Variants in RASGRF2 observed in about 807,000 individuals in gnomAD.
RASGRF2 encodes the protein ras-specific guanine nucleotide-releasing factor 2.
In RASGRF2, 76 loss-of-function variants were observed where a neutral mutation model predicts 151.0. The ratio of observed to expected loss-of-function variants is 0.50; its 90% CI spans 0.42 to 0.61. The LOEUF (loss-of-function observed/expected upper bound fraction) is 0.61, where lower values mean the gene tolerates loss of function less well. RASGRF2 is among the 20% of genes least tolerant of loss of function. The probability of loss-of-function intolerance (pLI) is 0.00; values close to 1 mark genes in which losing one functional copy is unlikely to be tolerated. For synonymous variants in RASGRF2, 504 were observed against 566.5 expected (o/e 0.89, Z 1.57); for missense variants, 1,148 against 1,564.6 (o/e 0.73, Z 4.49).
chr5:80,995,399 TACACACAC>T (rs745608211), intron 1 of RASGRF2, among the ~76,000 whole-genome samples: 3 of 119,780 alleles, frequency 2.5e-5, no homozygotes, highest in African/African-American at 6.5e-5. Context: ...TATATATATA[TACACACAC>T]ACACACACAC....
chr5:81,008,758 G>T (rs4704694), intron 1 of RASGRF2, among the ~76,000 whole-genome samples: 33,213 of 152,064 alleles, frequency 0.22, 3,709 homozygotes, highest in Admixed American at 0.25. Flanking sequence ...TATTAGAAAT[G>T]AGAACAGAAA....
chr5:81,109,721 C>T (rs1451235857), intron 13 of RASGRF2, among the ~76,000 whole-genome samples: 1 of 152,134 alleles, frequency 6.6e-6, no homozygotes, highest in Non-Finnish European at 1.5e-5. Context: ...GTTGCTGGCA[C>T]CCAAATGCAT....
intron 12 of RASGRF2, among the ~76,000 whole-genome samples, chr5:81,103,143 A>G (rs1752746590): frequency 6.6e-6 from 1 of 152,146 alleles, no homozygotes; most frequent in Non-Finnish European, 1.5e-5. Flanking sequence ...AAAATCTAAA[A>G]CTAGAAACTA....
At chr5:81,066,746 C>A (rs7721642) in intron 2 of RASGRF2, among the ~76,000 whole-genome samples, 1,732 of 152,300 alleles carry the variant, frequency 0.011, 31 homozygotes, top group African/African-American at 0.04. Context: ...AATATTATTG[C>A]AGTTCAAGCA....
rs1367270204 is a variant in RASGRF2, at chr5:81,127,075, A to G, written c.2598A>G (p.Gly866=). Residue 866 remains glycine, a splice_region_variant and synonymous_variant, in exon 17 of 27, where the codon GGA becomes GGG. Coordinates refer to ENST00000265080, the MANE Select transcript of RASGRF2 (RefSeq NM_006909.3). The stretch of plus-strand genomic sequence containing the variant: ...TTTCCTTTCTTTTCAAATAACCAGG[A>G]CAGACGGCGGACAATGCCCACTGCT... The part of the protein sequence containing the change: ...PRHLRYRQPG[G]QTADNAHCSV... 6.2e-7 allele frequency: 1 copy of G among 1,613,970 alleles called. No individual in the cohort carries two copies. Among genetic ancestry groups the G allele is most frequent in the East Asian group, 2.2e-5 (1 of 44,886 alleles).
At chr5:80,974,202 GC>G (rs1178389818) in intron 1 of RASGRF2, among the ~76,000 whole-genome samples, 1 of 152,200 alleles carries the variant, frequency 6.6e-6, no homozygotes, top group African/African-American at 2.4e-5. Flanking sequence ...AGTTCGATCA[GC>G]AGCCATGATT....
At chr5:81,176,065 G>A (rs1000728733) in intron 17 of RASGRF2, among the ~76,000 whole-genome samples, 4 of 152,112 alleles carry the variant, frequency 2.6e-5, no homozygotes, top group Admixed American at 6.5e-5. Context: ...GAAGCTGATC[G>A]TGCATTCTTG....
chr5:81,217,571 C>CTCCTTTTTTTTTTTTTTTTTTTTT (rs1561265124), intron 25 of RASGRF2, 98 bp downstream of exon 25: 1 of 360,392 alleles, frequency 2.8e-6, no homozygotes. Context: ...TTTTTTTTCT[C>CTCCTTTTTTTTTTTTTTTTTTTTT]TTCTTTTTTT....
intron 1 of RASGRF2, among the ~76,000 whole-genome samples, chr5:80,966,466 C>T (rs536625583): frequency 4.6e-5 from 7 of 152,014 alleles, no homozygotes; most frequent in Non-Finnish European, 1.0e-4. Context: ...TATTTTATAA[C>T]ATTTGGCCTT....
intron 1 of RASGRF2, among the ~76,000 whole-genome samples, chr5:81,000,620 T>C (rs1056759792): frequency 2.0e-5 from 3 of 152,240 alleles, no homozygotes; most frequent in East Asian, 1.9e-4. Context: ...TATGTTTTTT[T>C]TTCCTTAGTA....
At chr5:81,187,127 G>A (rs905334601) in intron 18 of RASGRF2, among the ~76,000 whole-genome samples, 19 of 152,108 alleles carry the variant, frequency 1.2e-4, no homozygotes, top group Non-Finnish European at 1.3e-4. Flanking sequence ...TGTTACCCCC[G>A]TTTGACCAGT....
At chr5:81,081,872 T>C (rs1368269675) in intron 7 of RASGRF2, among the ~76,000 whole-genome samples, 1 of 152,228 alleles carries the variant, frequency 6.6e-6, no homozygotes, top group Non-Finnish European at 1.5e-5. Context: ...TGTTTTTGTT[T>C]TTGTTTTCCT....
At chr5:81,192,381 C>T (rs1755169973) in intron 18 of RASGRF2, among the ~76,000 whole-genome samples, 1 of 152,186 alleles carries the variant, frequency 6.6e-6, no homozygotes, top group Admixed American at 6.5e-5. Context: ...ATTGCCCTTC[C>T]TTATGTTTTT....
chr5:81,013,881 A>G (rs1376143169), intron 1 of RASGRF2, among the ~76,000 whole-genome samples: 3 of 152,164 alleles, frequency 2.0e-5, no homozygotes, highest in African/African-American at 7.2e-5. Context: ...CTGTTATCAT[A>G]GTACCCTGTC....
chr5:81,091,622 T>G (rs943901194), intron 9 of RASGRF2, among the ~76,000 whole-genome samples: 1 of 152,114 alleles, frequency 6.6e-6, no homozygotes, highest in African/African-American at 2.4e-5. Context: ...TTTGCAACAT[T>G]CATATGTTAA....
chr5:80,986,757 A>C (rs564585932), intron 1 of RASGRF2, among the ~76,000 whole-genome samples: 1 of 152,294 alleles, frequency 6.6e-6, no homozygotes, highest in South Asian at 2.1e-4. Context: ...ATATTACCTC[A>C]GTTGAACCGC....
intron 15 of RASGRF2, among the ~76,000 whole-genome samples, chr5:81,121,021 G>A (rs1214248828): frequency 6.6e-6 from 1 of 152,084 alleles, no homozygotes; most frequent in Admixed American, 6.5e-5. Flanking sequence ...TTGTATTGGT[G>A]TATGGGCAAT....
rs868589360 is a variant in RASGRF2, at chr5:80,960,601, T to C, written c.-138T>C. On this transcript the variant is annotated 5_prime_UTR_variant, in exon 1 of 27. Coordinates refer to ENST00000265080, the MANE Select transcript of RASGRF2 (RefSeq NM_006909.3). This position sits in a 1 kb window ranked among gnomAD's most constrained non-coding sequence, Gnocchi z 5.5. ...CCTCCCGAAAGCGGGCGGGGTGCCC[T>C]GCGCGCGGCGTGGGGAAAGGGGGCG... 2.9e-4 allele frequency: 253 copies of C among 871,004 alleles called. 1 individual carries two copies. The highest frequency in any genetic ancestry group is 4.0e-4 in the Middle Eastern group (1 of 2,520). 54.0% of individuals were successfully genotyped at this position (871,004 alleles called of 1,614,324 possible). A position where few individuals can be genotyped will look rare whatever the true frequency, so the allele number is the denominator to read the frequency against.
In RASGRF2 at chr5:81,075,573, T is replaced by C. The variant is rs925826625; in HGVS notation, c.887+2121T>C. The stretch of plus-strand genomic sequence containing the variant: ...AGTTGGGATTTGTTGATGGGTTTGA[T>C]GTGGGTTTTAAGAGAAAGCAAAAAG... On this transcript the variant is annotated intron_variant, in intron 5 of 26. Transcript: ENST00000265080. 3.9e-5 allele frequency among the ~76,000 whole-genome samples: 6 copies of C among 152,276 alleles called. 1 individual carries two copies. In the East Asian group the frequency reaches 9.6e-4, roughly 24 times the overall value.
Sources: allele counts gnomAD v4.1 joint callset (sites outside exome capture counted in the v4.1 genomes callset), GRCh38; gene constraint gnomAD v4.1.1; non-coding constraint Gnocchi (gnomAD v3.1); transcripts MANE v1.5; gene names NCBI Gene and HGNC (gene_info 2026-07-23, HGNC 2026-07-21).